STK33: variants seen among roughly 807,000 people sequenced by gnomAD.
The protein encoded by STK33 is serine/threonine kinase 33.
Under a neutral mutation model 58.0 loss-of-function variants are expected in STK33, and 52 were observed. The observed-to-expected ratio is 0.90, with a 90% CI of 0.72 to 1.13. The LOEUF is 1.13. Ranked by LOEUF, STK33 falls within the 50% of genes most tolerant of loss-of-function variation. The pLI is 0.00. For missense variants in STK33, 630 were observed against 604.2 expected (o/e 1.04, Z -0.45); for synonymous variants, 215 against 200.1 (o/e 1.07, Z -0.63).
In STK33 at chr11:8,392,588, A is replaced by T. The variant is rs370677685; in HGVS notation, c.1467T>A (p.Pro489=). 2 of 1,614,204 alleles carry T rather than the reference A, an allele frequency of 1.2e-6. No homozygotes were observed. The highest frequency in any genetic ancestry group is 1.7e-6 in the Non-Finnish European group (2 of 1,180,036). ...AEIKGEMEKT[P]VTPSQGTATK... is the part of the protein sequence containing the mutation. Reference sequence around the variant, plus strand: ...TTGCTGTTCCTTGGCTTGGAGTCACAGGGGTTTTCTCCATTTCTCCCTTGA... The same window carrying T: ...TTGCTGTTCCTTGGCTTGGAGTCACTGGGGTTTTCTCCATTTCTCCCTTGA... The change falls in exon 16 of 16, where the codon CCT becomes CCA. Residue 489 remains proline, a synonymous_variant. Transcript: ENST00000687296.
At chr11:8,561,367 C>T (rs750034558) in intron 1 of STK33, among the ~76,000 whole-genome samples, 14 of 152,186 alleles carry the variant, frequency 9.2e-5, no homozygotes, top group Non-Finnish European at 1.8e-4. Flanking sequence ...GTTCAACTGC[C>T]TCCTGGCTTT....
chr11:8,343,275 C>T, the STK33 span, among the ~76,000 whole-genome samples: 1 of 152,258 alleles, frequency 6.6e-6, no homozygotes, highest in Admixed American at 6.5e-5. Context: ...AGTCACAACA[C>T]ATACACCTTG....
the STK33 span, among the ~76,000 whole-genome samples, chr11:8,371,050 G>A: frequency 6.6e-6 from 1 of 152,122 alleles, no homozygotes; most frequent in African/African-American, 2.4e-5. Context: ...GGCTGAGGAA[G>A]CACAAGTGCT....
At chr11:8,388,195 T>C (rs1848570462), downstream of STK33, among the ~76,000 whole-genome samples, 1 of 152,064 alleles carries the variant, frequency 6.6e-6, no homozygotes, top group Non-Finnish European at 1.5e-5. Flanking sequence ...GAGAGTGCCA[T>C]GGTGACACTG....
chr11:8,339,197 G>T, the STK33 span, among the ~76,000 whole-genome samples: 15 of 152,102 alleles, frequency 9.9e-5, no homozygotes, highest in Non-Finnish European at 2.1e-4. Flanking sequence ...GAGCGATGGG[G>T]CTCCGAGGGA....
chr11:8,405,772 T>A (rs914739380), intron 15 of STK33, among the ~76,000 whole-genome samples: 3 of 152,148 alleles, frequency 2.0e-5, no homozygotes, highest in African/African-American at 7.2e-5. Context: ...CTCATATATA[T>A]CTACTATTGT....
intron 15 of STK33, 126 bp from the exon 16 acceptor site, chr11:8,392,836 C>A (rs753442984): frequency 2.4e-5 from 19 of 781,678 alleles, no homozygotes; most frequent in Non-Finnish European, 2.8e-5. Flanking sequence ...AGGGTCCAAA[C>A]TAGTCATATT....
intron 1 of STK33, among the ~76,000 whole-genome samples, chr11:8,551,670 G>A (rs548967104): frequency 9.2e-5 from 14 of 152,150 alleles, no homozygotes; most frequent in African/African-American, 1.7e-4. Flanking sequence ...GCTTGTCATC[G>A]TTTCCCATTC....
At chr11:8,478,445 C>T (rs965961005) in intron 2 of STK33, among the ~76,000 whole-genome samples, 4 of 152,074 alleles carry the variant, frequency 2.6e-5, no homozygotes, top group African/African-American at 9.7e-5. Flanking sequence ...ATACATGAGC[C>T]TTCCTTTGGC....
At chr11:8,553,816 A>C (rs2140708312) in intron 1 of STK33, among the ~76,000 whole-genome samples, 1 of 152,332 alleles carries the variant, frequency 6.6e-6, no homozygotes. Flanking sequence ...AAATGGATTA[A>C]AGACTTAAAT....
the STK33 span, among the ~76,000 whole-genome samples, chr11:8,368,758 A>G: frequency 6.6e-6 from 1 of 152,010 alleles, no homozygotes; most frequent in Non-Finnish European, 1.5e-5. Flanking sequence ...GTGACTTCCC[A>G]TTAATCTCAG....
intron 1 of STK33, among the ~76,000 whole-genome samples, chr11:8,588,893 A>G (rs980803537): frequency 8.5e-5 from 13 of 152,334 alleles, no homozygotes; most frequent in South Asian, 4.1e-4. Context: ...TACAAATTGC[A>G]TATCTTCATA....
At chr11:8,573,578 G>T (rs1957972671) in intron 1 of STK33, among the ~76,000 whole-genome samples, 1 of 152,112 alleles carries the variant, frequency 6.6e-6, no homozygotes, top group Non-Finnish European at 1.5e-5. Context: ...TGTACTCTTG[G>T]GCATTTATCC....
At chr11:8,378,683 G>C in the STK33 span, among the ~76,000 whole-genome samples, 1 of 152,160 alleles carries the variant, frequency 6.6e-6, no homozygotes, top group Non-Finnish European at 1.5e-5. Context: ...TCAAGATGAG[G>C]TTTGAGTGGG....
rs11423343 is a variant in STK33, at chr11:8,430,866, A to ATT, written c.1146+4626_1146+4627dup. Among the ~76,000 whole-genome samples the ATT allele has an allele frequency of 5.2e-4, 70 of 133,814 alleles. 1 individual carries two copies. The highest frequency in any genetic ancestry group is 6.8e-4 in the African/African-American group (24 of 35,552). 87.8% of individuals were successfully genotyped at this position (133,814 alleles called of 152,430 possible). Reference sequence around the variant, plus strand: ...GGCTCATGAGCTTTTCCTTAACATAATTTTTTTTTTTTTTTTTTGAGATGG... The same window carrying ATT: ...GGCTCATGAGCTTTTCCTTAACATAATTTTTTTTTTTTTTTTTTTTGAGATGG... On this transcript the variant is annotated intron_variant, in intron 14 of 15. Coordinates refer to ENST00000687296, the MANE Select transcript of STK33 (RefSeq NM_001352389.2).
chr11:8,544,810 T>C (rs185912540), intron 1 of STK33, among the ~76,000 whole-genome samples: 3 of 152,354 alleles, frequency 2.0e-5, no homozygotes, highest in Non-Finnish European at 4.4e-5. Context: ...AAGTCAATTA[T>C]AAATGTTTAC....
intron 1 of STK33, among the ~76,000 whole-genome samples, chr11:8,587,729 G>A (rs1384117873): frequency 6.6e-6 from 1 of 152,128 alleles, no homozygotes; most frequent in Non-Finnish European, 1.5e-5. Flanking sequence ...TTGGGAAAGG[G>A]CAATCCTTCC....
chr11:8,548,147 A>AT (rs1956072736), intron 1 of STK33, among the ~76,000 whole-genome samples: 5 of 150,994 alleles, frequency 3.3e-5, no homozygotes, highest in Non-Finnish European at 7.4e-5. Flanking sequence ...TGTACCCTAG[A>AT]ACTTAAAGTA....
intron 1 of STK33, among the ~76,000 whole-genome samples, chr11:8,519,303 G>C (rs921201439): frequency 2.0e-5 from 3 of 152,176 alleles, no homozygotes; most frequent in Admixed American, 6.5e-5. Flanking sequence ...TGAGAACAAA[G>C]ACACAACACA....
Sources: gnomAD v4.1 joint callset for allele counts (sites outside exome capture counted in the v4.1 genomes callset) on GRCh38, gnomAD v4.1.1 for gene constraint, MANE v1.5 for transcripts, NCBI Gene and HGNC (gene_info 2026-07-23, HGNC 2026-07-21) for gene names.